The following PRDM15 variants were observed in gnomAD, a reference collection of about 807,000 sequenced individuals.
PRDM15 encodes PR domain zinc finger protein 15.
Under a neutral mutation model 128.6 loss-of-function variants are expected in PRDM15, and 64 were observed. The observed-to-expected ratio is 0.50, with a 90% confidence interval of 0.41 to 0.61. PRDM15 has a LOEUF of 0.61. Ranked by LOEUF, PRDM15 falls within the 20% of genes least tolerant of loss-of-function variation. The probability of loss-of-function intolerance (pLI) is 0.00; values close to 1 mark genes in which losing one functional copy is unlikely to be tolerated. For synonymous variants in PRDM15, 615 were observed against 621.8 expected (o/e 0.99, Z 0.16); for missense variants, 1,242 against 1,569.1 (o/e 0.79, Z 3.52).
chr21:41,822,689 AG>A (rs2062321668), intron 14 of PRDM15, among the ~76,000 whole-genome samples: 2 of 152,218 alleles, frequency 1.3e-5, no homozygotes, highest in Non-Finnish European at 2.9e-5. Context: ...AAATGGTATC[AG>A]GAAGCAGGGC....
chr21:41,838,523 C>T (rs1053294111), intron 7 of PRDM15, among the ~76,000 whole-genome samples: 1 of 152,190 alleles, frequency 6.6e-6, no homozygotes, highest in African/African-American at 2.4e-5. Flanking sequence ...ATACTGGAGA[C>T]CCTGGCCAGA....
chr21:41,826,121 C>G, intron 12 of PRDM15, 67 bp from the exon 13 acceptor site: 1 of 1,299,256 alleles, frequency 7.7e-7, no homozygotes, highest in South Asian at 1.2e-5. Context: ...CCATCAGATT[C>G]CACTTCAGCC....
rs1237173441 is a variant in PRDM15, at chr21:41,850,305, G to GC, written c.539-3115dup. Reference sequence around the variant, plus strand: ...TGCCCCCCCACACTTTCCTCCTGGTGCCCCCCCAACACTCTCCTCCTGGGC... The same window carrying GC: ...TGCCCCCCCACACTTTCCTCCTGGTGCCCCCCCCAACACTCTCCTCCTGGGC... On this transcript the variant is annotated intron_variant, in intron 5 of 23. Coordinates refer to ENST00000398548, the MANE Select transcript of PRDM15 (RefSeq NM_001040424.3). 1.7e-4 allele frequency among the ~76,000 whole-genome samples: 24 copies of GC among 138,846 alleles called. 2 individuals are homozygous for GC. Among genetic ancestry groups the GC allele is most frequent in the Admixed American group, 8.1e-4 (10 of 12,288 alleles). The allele number at this position is 138,846 out of a possible 152,430, so 91.1% of individuals were successfully genotyped here. A position where few individuals can be genotyped will look rare whatever the true frequency, so the allele number is the denominator to read the frequency against.
intron 1 of PRDM15, among the ~76,000 whole-genome samples, chr21:41,867,115 C>G (rs73906124): frequency 0.016 from 2,390 of 151,896 alleles, 63 homozygotes; most frequent in African/African-American, 0.054. Flanking sequence ...GGGGAGATGC[C>G]CGACACCCTC....
chr21:41,879,252 CAGGGCCCG>C lies in PRDM15; in HGVS notation c.-10+10_-10+17del. On this transcript the variant is annotated intron_variant, in intron 1 of 23. Transcript: ENST00000398548. The surrounding 1 kb of genome is among the most constrained non-coding windows in gnomAD (Gnocchi z 5.1). ...CGCACGCCGGGGCGGGCGGCGGGCG[CAGGGCCCG>C]GAGCTTTACCTGCCTTTGGAATGTG... The C allele has an allele frequency of 1.0e-6, 1 of 958,822 alleles. No individual in the cohort carries two copies. Among genetic ancestry groups the C allele is most frequent in the Non-Finnish European group, 1.3e-6 (1 of 796,378 alleles). 59.4% of individuals were successfully genotyped at this position (958,822 alleles called of 1,614,324 possible).
intron 5 of PRDM15, among the ~76,000 whole-genome samples, chr21:41,848,635 C>G (rs2063338797): frequency 6.6e-6 from 1 of 152,186 alleles, no homozygotes; most frequent in South Asian, 2.1e-4. Flanking sequence ...AAAAAGAGGA[C>G]AAGGGCCCAG....
At chr21:41,824,590 C>A (rs1429954624) in intron 13 of PRDM15, among the ~76,000 whole-genome samples, 1 of 152,244 alleles carries the variant, frequency 6.6e-6, no homozygotes, top group East Asian at 1.9e-4. Flanking sequence ...CCGGTACCCC[C>A]CAAGGGGCAG....
Position 41,832,367 on chromosome 21 carries a change from C to T in PRDM15, c.1366+3070G>A, listed in dbSNP as rs907256578. On this transcript the variant is annotated intron_variant, in intron 11 of 23. Coordinates refer to ENST00000398548, the MANE Select transcript of PRDM15 (RefSeq NM_001040424.3). This position sits in a 1 kb window ranked among gnomAD's most constrained non-coding sequence, Gnocchi z 4.2. ...TGTGGCATCGGATCACCACAGGCCACACCTTTACAGCACTGTGGCATCAGA... is the reference window on the plus strand; with the variant it reads ...TGTGGCATCGGATCACCACAGGCCATACCTTTACAGCACTGTGGCATCAGA... Among the ~76,000 whole-genome samples, 1 of 152,000 alleles carries T rather than the reference C, an allele frequency of 6.6e-6. No individual in the cohort carries two copies. The highest frequency in any genetic ancestry group is 2.4e-5 in the African/African-American group (1 of 41,386).
intron 6 of PRDM15, among the ~76,000 whole-genome samples, chr21:41,844,239 A>G (rs1458455495): frequency 2.0e-5 from 3 of 152,064 alleles, no homozygotes; most frequent in Non-Finnish European, 4.4e-5. Flanking sequence ...AGGCTTGTGC[A>G]GAACCCGTCT....
At position 41,862,472 on chromosome 21, in the gene PRDM15, C is replaced by G. The variant is rs535080469; in HGVS notation, c.-9-2100G>C. On this transcript the variant is annotated intron_variant, in intron 1 of 23. Transcript: ENST00000398548. This position sits in a 1 kb window ranked among gnomAD's most constrained non-coding sequence, Gnocchi z 4.1. Reference sequence around the variant, plus strand: ...TAGGTGCCCCCAAAAAAGGTCCCCTCTGAGCGGAGCTGCTGGGAGAGGAAA... The same window carrying G: ...TAGGTGCCCCCAAAAAAGGTCCCCTGTGAGCGGAGCTGCTGGGAGAGGAAA... Among the ~76,000 whole-genome samples the G allele has an allele frequency of 6.6e-6, 1 of 152,272 alleles. No homozygotes were observed. The highest frequency in any genetic ancestry group is 6.5e-5 in the Admixed American group (1 of 15,298).
chr21:41,865,134 C>CTTAGCTTAA (rs2063960036), intron 1 of PRDM15, among the ~76,000 whole-genome samples: 1 of 133,594 alleles, frequency 7.5e-6, no homozygotes, highest in Non-Finnish European at 1.6e-5. Context: ...ACTCCTCAGT[C>CTTAGCTTAA]CCCACTCCCC....
intron 1 of PRDM15, chr21:41,867,408 G>C (rs765020174): frequency 1.3e-6 from 2 of 1,504,158 alleles, no homozygotes; most frequent in Non-Finnish European, 1.8e-6. Flanking sequence ...GCAAGCTGAG[G>C]CTCTACACAC....
At chr21:41,872,723 T>A (rs28407324) in intron 1 of PRDM15, among the ~76,000 whole-genome samples, 3 of 152,094 alleles carry the variant, frequency 2.0e-5, no homozygotes, top group Non-Finnish European at 2.9e-5. Flanking sequence ...CCAGAGGTGG[T>A]GGTTCAGGAG....
Position 41,857,190 on chromosome 21 carries a change from C to T in PRDM15, c.271G>A (p.Ala91Thr). 1 of 1,613,338 alleles carries T rather than the reference C, an allele frequency of 6.2e-7. No homozygotes were observed. Among genetic ancestry groups the T allele is most frequent in the South Asian group, 1.1e-5 (1 of 91,030 alleles). Residue 91 changes from alanine to threonine, a missense_variant, in exon 4 of 24, where the codon GCA becomes ACA. By Grantham distance (58) the Ala-to-Thr change is moderately conservative. Around this residue, in one of 3 missense-constraint regions of PRDM15, gnomAD observed 612 missense variants for 717.0 expected, o/e 0.85. Transcript: ENST00000398548. Reference sequence around the variant, plus strand: ...ACAGCCTTTACCTTCAGGGGAAATGCAGACTCCTTTTCCCATTTGGCGACC... The same window carrying T: ...ACAGCCTTTACCTTCAGGGGAAATGTAGACTCCTTTTCCCATTTGGCGACC... Reference protein sequence around the residue: ...RRVAKWEKESAFPLKVFQKDG... With the variant: ...RRVAKWEKESTFPLKVFQKDG...
At chr21:41,805,707 A>G (rs987124999) in intron 21 of PRDM15, among the ~76,000 whole-genome samples, 8 of 151,886 alleles carry the variant, frequency 5.3e-5, no homozygotes, top group Non-Finnish European at 1.0e-4. Flanking sequence ...TACCGTCACC[A>G]CCATCACCAC....
In PRDM15 at chr21:41,820,189, A is replaced by G; in HGVS notation, c.2061-15T>C. 1.9e-6 allele frequency: 3 copies of G among 1,611,758 alleles called. No homozygotes were observed. The highest frequency in any genetic ancestry group is 2.5e-6 in the Non-Finnish European group (3 of 1,178,694). ...GGTGGATGTACCTGAAACCAGAGAC[A>G]AGCTCAGGATGGCCGCACAGCCTCG... On this transcript the variant is annotated splice_polypyrimidine_tract_variant and intron_variant, in intron 16 of 23. Coordinates refer to ENST00000398548, the MANE Select transcript of PRDM15 (RefSeq NM_001040424.3).
intron 11 of PRDM15, among the ~76,000 whole-genome samples, chr21:41,829,791 CAG>C (rs1415586222): frequency 2.6e-5 from 4 of 151,362 alleles, no homozygotes; most frequent in Non-Finnish European, 4.4e-5. Flanking sequence ...TCACACCACA[CAG>C]ATACACTCAA....
At chr21:41,829,688 ACAC>A (rs1336296380) in intron 11 of PRDM15, among the ~76,000 whole-genome samples, 4 of 151,724 alleles carry the variant, frequency 2.6e-5, no homozygotes, top group African/African-American at 9.7e-5. Flanking sequence ...AAATATACAC[ACAC>A]CACANAAATG....
At chr21:41,869,405 C>T (rs533672239) in intron 1 of PRDM15, among the ~76,000 whole-genome samples, 15 of 151,858 alleles carry the variant, frequency 9.9e-5, no homozygotes, top group East Asian at 3.9e-4. Context: ...CTCAGCCTTC[C>T]GAGTTGTTAG....
Sources: gnomAD v4.1 joint callset for allele counts (sites outside exome capture counted in the v4.1 genomes callset) on GRCh38, gnomAD v4.1.1 for gene constraint, gnomAD v4.1.1 regional missense constraint, Gnocchi (gnomAD v3.1) non-coding constraint, MANE v1.5 for transcripts, NCBI Gene and HGNC (gene_info 2026-07-23, HGNC 2026-07-21) for gene names.